The following KHDRBS2 variants were observed in gnomAD, a reference collection of about 807,000 sequenced individuals.
KHDRBS2 encodes the protein KH domain-containing, RNA-binding, signal transduction-associated protein 2.
In KHDRBS2, 26 loss-of-function variants were observed where a neutral mutation model predicts 44.3. That is an observed-to-expected ratio of 0.59 (90% CI 0.43 to 0.81). KHDRBS2 has a LOEUF of 0.81. Among genes scored for constraint, KHDRBS2 ranks in the 40% least tolerant of loss-of-function variants. KHDRBS2 has a pLI of 0.00. For missense variants in KHDRBS2, 476 were observed against 433.1 expected (o/e 1.10, Z -0.88); for synonymous variants, 194 against 151.1 (o/e 1.28, Z -2.08).
At chr6:61,945,138 T>TGTATATATATATATATATATATAC (rs1813075973) in intron 4 of KHDRBS2, among the ~76,000 whole-genome samples, 1 of 105,352 alleles carries the variant, frequency 9.5e-6, no homozygotes, top group Non-Finnish European at 2.0e-5. Context: ...TATATATATA[T>TGTATATATATATATATATATATAC]ATATATATAT....
chr6:62,259,661 C>G (rs1238028010), intron 1 of KHDRBS2, among the ~76,000 whole-genome samples: 1 of 151,808 alleles, frequency 6.6e-6, no homozygotes, highest in Non-Finnish European at 1.5e-5. Flanking sequence ...AAATCTTGCT[C>G]TGATCACCTG....
At chr6:62,270,297 CT>C (rs1359786047) in intron 1 of KHDRBS2, among the ~76,000 whole-genome samples, 5 of 141,962 alleles carry the variant, frequency 3.5e-5, no homozygotes, top group African/African-American at 1.4e-4. Flanking sequence ...CTCTCTCTCT[CT>C]CTCCTCTCTC....
At chr6:61,798,844 A>T (rs1343104628) in intron 6 of KHDRBS2, among the ~76,000 whole-genome samples, 2 of 151,944 alleles carry the variant, frequency 1.3e-5, no homozygotes, top group Non-Finnish European at 2.9e-5. Context: ...AAGGCAAAAA[A>T]GCATTCAATA....
At position 61,803,596 on chromosome 6, in the gene KHDRBS2, A is replaced by T. The variant is rs569013860; in HGVS notation, c.811-70832T>A. On this transcript the variant is annotated intron_variant, in intron 6 of 8. Transcript: ENST00000281156. The stretch of plus-strand genomic sequence containing the variant: ...TGGTCCATTCTCACGCCCTGGAGAC[A>T]TTTTCCCCATTGTCTTGGTAATTAA... Among the ~76,000 whole-genome samples, 24 of 152,222 alleles carry T rather than the reference A, an allele frequency of 1.6e-4. No homozygotes were observed. In the South Asian group the frequency reaches 5.0e-3, roughly 32 times the overall value.
At chr6:61,663,526 T>TATATATATATATATATATATATA in the KHDRBS2 span, among the ~76,000 whole-genome samples, 2 of 116,898 alleles carry the variant, frequency 1.7e-5, no homozygotes, top group Non-Finnish European at 3.7e-5. Flanking sequence ...TATATATATA[T>TATATATATATATATATATATATA]GCAGCTGGGA....
At chr6:61,756,359 C>T (rs1451035656) in intron 6 of KHDRBS2, among the ~76,000 whole-genome samples, 1 of 152,020 alleles carries the variant, frequency 6.6e-6, no homozygotes, top group Non-Finnish European at 1.5e-5. Flanking sequence ...CAGGTTCAAT[C>T]AATCGATTCT....
chr6:61,757,052 A>G (rs922667580), intron 6 of KHDRBS2, among the ~76,000 whole-genome samples: 1 of 152,144 alleles, frequency 6.6e-6, no homozygotes, highest in African/African-American at 2.4e-5. Flanking sequence ...ATCCAAGTCT[A>G]TTTTATATTG....
At chr6:61,848,480 T>TAC (rs1245615524) in intron 6 of KHDRBS2, among the ~76,000 whole-genome samples, 5 of 50,480 alleles carry the variant, frequency 9.9e-5, no homozygotes, top group East Asian at 4.0e-4. Context: ...TATATATATA[T>TAC]ATATATATAT....
chr6:61,632,672 A>G, the KHDRBS2 span, among the ~76,000 whole-genome samples: 1 of 152,090 alleles, frequency 6.6e-6, no homozygotes, highest in Admixed American at 6.6e-5. Flanking sequence ...GTCAATCCCT[A>G]TGAAGATGGT....
At chr6:61,993,073 C>T (rs1178599526) in intron 3 of KHDRBS2, among the ~76,000 whole-genome samples, 1 of 152,044 alleles carries the variant, frequency 6.6e-6, no homozygotes, top group Admixed American at 6.6e-5. Context: ...CCCCGAAAAG[C>T]CCCTTTGCAG....
intron 1 of KHDRBS2, among the ~76,000 whole-genome samples, chr6:62,220,683 A>G (rs1437318462): frequency 6.6e-6 from 1 of 151,834 alleles, no homozygotes; most frequent in Non-Finnish European, 1.5e-5. Context: ...TGAATGAAAG[A>G]ATACCATAAG....
chr6:61,699,480 G>A (rs1768322342), intron 7 of KHDRBS2, among the ~76,000 whole-genome samples: 1 of 151,928 alleles, frequency 6.6e-6, no homozygotes, highest in African/African-American at 2.4e-5. Flanking sequence ...ATATAAAAGT[G>A]TATCAAGACA....
intron 8 of KHDRBS2, among the ~76,000 whole-genome samples, chr6:61,691,384 A>C (rs1582183260): frequency 6.6e-6 from 1 of 152,216 alleles, no homozygotes; most frequent in Admixed American, 6.6e-5. Flanking sequence ...AAAAAGAGAA[A>C]GCTAATTTTA....
intron 4 of KHDRBS2, among the ~76,000 whole-genome samples, chr6:61,951,698 C>T (rs1764779432): frequency 6.6e-6 from 1 of 152,072 alleles, no homozygotes; most frequent in African/African-American, 2.4e-5. Flanking sequence ...TTACTGAACA[C>T]TCACAGGAGC....
intron 6 of KHDRBS2, among the ~76,000 whole-genome samples, chr6:61,776,736 C>A (rs1302730122): frequency 1.3e-5 from 2 of 152,146 alleles, no homozygotes; most frequent in African/African-American, 4.8e-5. Context: ...GTGGCGATTT[C>A]TCAGGGATAT....
chr6:62,012,499 C>T (rs899348977), intron 3 of KHDRBS2, among the ~76,000 whole-genome samples: 4 of 152,102 alleles, frequency 2.6e-5, no homozygotes, highest in Admixed American at 1.3e-4. Flanking sequence ...AAAATCCAAA[C>T]GCTTCTTTCT....
the KHDRBS2 span, among the ~76,000 whole-genome samples, chr6:61,641,194 A>G: frequency 1.3e-5 from 2 of 152,096 alleles, no homozygotes; most frequent in East Asian, 1.9e-4. Flanking sequence ...CTTGCTTCCA[A>G]TATTTTCTCT....
In KHDRBS2 at chr6:61,894,628, T is replaced by C. The variant is rs1285969824; in HGVS notation, c.810+7A>G. On this transcript the variant is annotated splice_region_variant and intron_variant, in intron 6 of 8. Transcript: ENST00000281156. ...ATCCTTACAACTTATTTCTTAAGAG[T>C]ACTTACATATTCTTCATAAGCTTCA... 1 of 1,606,318 alleles carries C rather than the reference T, an allele frequency of 6.2e-7. No homozygotes were observed. The highest frequency in any genetic ancestry group is 1.3e-5 in the African/African-American group (1 of 74,732).
rs977979301 is a variant in KHDRBS2 at position 61,690,566 on chromosome 6, C to G, written c.952+6629G>C. The stretch of plus-strand genomic sequence containing the variant: ...CTGTTGGGTAAATTTTTTAAAAAGT[C>G]AAGGTTGAGATTTAACTGTTCAACA... On this transcript the variant is annotated intron_variant, in intron 8 of 8. Transcript: ENST00000281156. 3.7e-4 allele frequency among the ~76,000 whole-genome samples: 56 copies of G among 151,946 alleles called. 1 individual carries two copies.
Sources: allele counts gnomAD v4.1 joint callset (sites outside exome capture counted in the v4.1 genomes callset), GRCh38; gene constraint gnomAD v4.1.1; transcripts MANE v1.5; gene names NCBI Gene and HGNC (gene_info 2026-07-23, HGNC 2026-07-21).